Variants in MBD5 observed in about 807,000 individuals in gnomAD.
MBD5 encodes methyl-CpG binding domain protein 5.
A neutral mutation model predicts 117.3 loss-of-function variants in MBD5; 13 were observed. The observed-to-expected ratio is 0.11, with a 90% CI of 0.07 to 0.18. MBD5 has a LOEUF of 0.18. Ranked by LOEUF, MBD5 falls within the 10% of genes least tolerant of loss-of-function variation. The pLI, the probability that MBD5 is intolerant of heterozygous loss-of-function variation, is 1.00. For missense variants in MBD5, 1,879 were observed against 2,093.8 expected (o/e 0.90, Z 2.00); for synonymous variants, 727 against 766.4 (o/e 0.95, Z 0.85).
At chr2:148,215,195 T>A (rs1347222517) in intron 2 of MBD5, among the ~76,000 whole-genome samples, 1 of 152,194 alleles carries the variant, frequency 6.6e-6, no homozygotes, top group Admixed American at 6.5e-5. Context: ...ATATTCTACA[T>A]ATTCTTTCTT....
At chr2:148,111,453 G>T (rs1408600579) in intron 1 of MBD5, among the ~76,000 whole-genome samples, 2 of 152,094 alleles carry the variant, frequency 1.3e-5, no homozygotes, top group Admixed American at 6.6e-5. Context: ...TAGAATTGCT[G>T]TAGGTGAAAG....
At chr2:148,276,191 A>G (rs1701109759) in intron 3 of MBD5, among the ~76,000 whole-genome samples, 1 of 152,136 alleles carries the variant, frequency 6.6e-6, no homozygotes, top group Non-Finnish European at 1.5e-5. Context: ...GTAATGGTGC[A>G]TGCCCATAGT....
At chr2:148,322,951 C>T (rs1039851227) in intron 3 of MBD5, among the ~76,000 whole-genome samples, 4 of 149,954 alleles carry the variant, frequency 2.7e-5, no homozygotes, top group African/African-American at 9.8e-5. Context: ...CCCACTAACT[C>T]GTCATCTAGC....
chr2:148,358,704 G>C (rs947337392), intron 4 of MBD5, among the ~76,000 whole-genome samples: 1 of 151,974 alleles, frequency 6.6e-6, no homozygotes, highest in Non-Finnish European at 1.5e-5. Flanking sequence ...ATCGCTTGAG[G>C]TGGGGGTTGG....
intron 4 of MBD5, among the ~76,000 whole-genome samples, chr2:148,389,291 TATATATATATATAA>T: frequency 9.5e-6 from 1 of 104,920 alleles, no homozygotes; most frequent in Non-Finnish European, 1.9e-5. Flanking sequence ...TATATATATA[TATATATATATATAA>T]CATTTTCTTT....
intron 4 of MBD5, among the ~76,000 whole-genome samples, chr2:148,413,467 C>T (rs1010868800): frequency 6.7e-6 from 1 of 149,252 alleles, no homozygotes; most frequent in African/African-American, 2.5e-5. Context: ...AGGATAATGC[C>T]GGCTTCATAG....
intron 3 of MBD5, among the ~76,000 whole-genome samples, chr2:148,327,949 G>A (rs9750457): frequency 6.6e-6 from 1 of 151,892 alleles, no homozygotes; most frequent in Non-Finnish European, 1.5e-5. Flanking sequence ...TTTCTGCTCT[G>A]TTTTTTCCCC....
intron 1 of MBD5, among the ~76,000 whole-genome samples, chr2:148,090,380 A>T (rs1695906300): frequency 6.6e-6 from 1 of 152,096 alleles, no homozygotes; most frequent in Non-Finnish European, 1.5e-5. Context: ...AGGAAAGGAC[A>T]TAACAAAAAA....
intron 1 of MBD5, among the ~76,000 whole-genome samples, chr2:148,133,391 A>G (rs1287083968): frequency 6.6e-6 from 1 of 152,206 alleles, no homozygotes; most frequent in Non-Finnish European, 1.5e-5. Context: ...TGAGATATGA[A>G]TTTGCCCTTG....
chr2:148,401,642 A>G (rs1321748535), intron 4 of MBD5, among the ~76,000 whole-genome samples: 2 of 152,138 alleles, frequency 1.3e-5, no homozygotes, highest in African/African-American at 2.4e-5. Context: ...TGTGCAGAAC[A>G]TTCCTATATA....
At chr2:148,497,291 T>G (rs957725087) in intron 11 of MBD5, among the ~76,000 whole-genome samples, 1 of 152,150 alleles carries the variant, frequency 6.6e-6, no homozygotes, top group African/African-American at 2.4e-5. Flanking sequence ...ACTTTTTAGA[T>G]TTAAACAACT....
At chr2:148,312,994 A>T (rs1702068765) in intron 3 of MBD5, among the ~76,000 whole-genome samples, 1 of 152,144 alleles carries the variant, frequency 6.6e-6, no homozygotes, top group Non-Finnish European at 1.5e-5. Context: ...GCAGAACAGC[A>T]AAGATTGCTG....
rs528156878 is a variant in MBD5 at position 148,037,287 on chromosome 2, T to C, written c.-925+15603T>C. On this transcript the variant is annotated intron_variant, in intron 1 of 13. Coordinates refer to ENST00000642680, the MANE Select transcript of MBD5 (RefSeq NM_001378120.1). ...TGGTATTTTTCATATGAAATAATGC[T>C]TAAATGTTATAAACAAGTTCTACAA... Among the ~76,000 whole-genome samples, 3 of 152,112 alleles carry C rather than the reference T, an allele frequency of 2.0e-5. No individual in the cohort carries two copies. In the East Asian group the frequency reaches 5.8e-4, roughly 29 times the overall value.
At chr2:148,407,503 G>T (rs1414381179) in intron 4 of MBD5, among the ~76,000 whole-genome samples, 1 of 152,048 alleles carries the variant, frequency 6.6e-6, no homozygotes, top group African/African-American at 2.4e-5. Context: ...GTAAAACCGT[G>T]ATTGAAAATA....
rs569896406 is a variant in MBD5, at chr2:148,021,463, T to TTGC, written c.-1131_-1129dup. The TTGC allele has an allele frequency of 1.8e-4, 104 of 573,880 alleles. No homozygotes were observed. Among genetic ancestry groups the TTGC allele is most frequent in the South Asian group, 1.3e-3 (87 of 66,188 alleles). The allele number at this position is 573,880 out of a possible 1,614,324, so 35.5% of individuals were successfully genotyped here. A position where few individuals can be genotyped will look rare whatever the true frequency, so the allele number is the denominator to read the frequency against. Reference sequence around the variant, plus strand: ...CAACACAGACCCTTTGCTGCTGCTGTTGCTGCTGCTGCTGCTGTTGCTGCT... The same window carrying TTGC: ...CAACACAGACCCTTTGCTGCTGCTGTTGCTGCTGCTGCTGCTGCTGTTGCTGCT... On this transcript the variant is annotated 5_prime_UTR_variant, in exon 1 of 14. Transcript: ENST00000642680.
chr2:148,222,457 T>G (rs1217344486), intron 2 of MBD5, among the ~76,000 whole-genome samples: 1 of 152,122 alleles, frequency 6.6e-6, no homozygotes, highest in African/African-American at 2.4e-5. Flanking sequence ...TTTTATAATT[T>G]TCACCATAGA....
intron 1 of MBD5, among the ~76,000 whole-genome samples, chr2:148,097,131 A>G (rs1349623093): frequency 6.6e-6 from 1 of 152,222 alleles, no homozygotes; most frequent in Non-Finnish European, 1.5e-5. Flanking sequence ...CAGCAAAGGT[A>G]TATGTTTATG....
chr2:148,050,314 C>T (rs1446577527), intron 1 of MBD5, among the ~76,000 whole-genome samples: 3 of 152,106 alleles, frequency 2.0e-5, no homozygotes, highest in Non-Finnish European at 4.4e-5. Context: ...TGCTTATTAG[C>T]CATTTGCATA....
chr2:148,195,933 A>G (rs1412766435), intron 2 of MBD5, among the ~76,000 whole-genome samples: 2 of 152,210 alleles, frequency 1.3e-5, no homozygotes, highest in Non-Finnish European at 2.9e-5. Flanking sequence ...AGCAAATTAA[A>G]CTAACCAAAG....
Sources: gnomAD v4.1 joint callset for allele counts (sites outside exome capture counted in the v4.1 genomes callset) on GRCh38, gnomAD v4.1.1 for gene constraint, MANE v1.5 for transcripts, NCBI Gene and HGNC (gene_info 2026-07-23, HGNC 2026-07-21) for gene names.